The following PTPRD variants were observed in gnomAD, a reference collection of about 807,000 sequenced individuals.
PTPRD encodes the protein receptor-type tyrosine-protein phosphatase delta.
A neutral mutation model predicts 214.5 loss-of-function variants in PTPRD; 34 were observed. The observed-to-expected ratio is 0.16, with a 90% CI of 0.12 to 0.21. PTPRD has a LOEUF of 0.21. Among genes scored for constraint, PTPRD ranks in the 10% least tolerant of loss-of-function variants. PTPRD has a pLI of 1.00. For missense variants in PTPRD, 2,545 were observed against 2,398.7 expected (o/e 1.06, Z -1.27); for synonymous variants, 1,128 against 845.7 (o/e 1.33, Z -5.79).
chr9:10,267,380 A>G (rs962874509), intron 3 of PTPRD, among the ~76,000 whole-genome samples: 7 of 152,092 alleles, frequency 4.6e-5, no homozygotes. Flanking sequence ...ATAGGAAGCA[A>G]CTATGGTTTA....
At chr9:9,132,528 G>A (rs2099844377) in intron 10 of PTPRD, among the ~76,000 whole-genome samples, 1 of 152,028 alleles carries the variant, frequency 6.6e-6, no homozygotes, top group South Asian at 2.1e-4. Flanking sequence ...TTTAGACAAT[G>A]GAGCTGGAAA....
At chr9:9,790,507 T>C (rs928875868) in intron 5 of PTPRD, among the ~76,000 whole-genome samples, 3 of 152,246 alleles carry the variant, frequency 2.0e-5, no homozygotes, top group African/African-American at 7.2e-5. Context: ...AGTGGCTTTA[T>C]CTCAAATGTT....
At chr9:9,711,255 C>T (rs576563269) in intron 7 of PTPRD, among the ~76,000 whole-genome samples, 1 of 152,166 alleles carries the variant, frequency 6.6e-6, no homozygotes, top group South Asian at 2.1e-4. Context: ...CAGAAATATG[C>T]CATAGGAACT....
intron 11 of PTPRD, among the ~76,000 whole-genome samples, chr9:8,847,067 G>A (rs1362296073): frequency 2.0e-5 from 3 of 152,112 alleles, no homozygotes; most frequent in African/African-American, 4.8e-5. Flanking sequence ...TTGGTGGAAA[G>A]GAAGTTAGTA....
At chr9:10,003,449 T>C (rs76260940) in intron 4 of PTPRD, among the ~76,000 whole-genome samples, 3 of 151,850 alleles carry the variant, frequency 2.0e-5, no homozygotes, top group Admixed American at 6.6e-5. Flanking sequence ...TGAATTAAGA[T>C]TGAATATATA....
At chr9:8,994,160 C>T (rs889020478) in intron 11 of PTPRD, among the ~76,000 whole-genome samples, 1 of 152,066 alleles carries the variant, frequency 6.6e-6, no homozygotes, top group Non-Finnish European at 1.5e-5. Context: ...AAACATCTTC[C>T]CCTCTTTCTG....
chr9:9,642,449 T>C (rs1008932424), intron 7 of PTPRD, among the ~76,000 whole-genome samples: 1 of 152,236 alleles, frequency 6.6e-6, no homozygotes, highest in Non-Finnish European at 1.5e-5. Context: ...TGTCTTTAGA[T>C]GAATGCATAC....
intron 2 of PTPRD, among the ~76,000 whole-genome samples, chr9:10,512,374 C>T (rs1008452688): frequency 5.9e-5 from 9 of 151,560 alleles, no homozygotes; most frequent in Non-Finnish European, 8.8e-5. Flanking sequence ...AAGTATACTG[C>T]CAAGAATGGT....
intron 11 of PTPRD, among the ~76,000 whole-genome samples, chr9:9,002,912 C>A (rs189512643): frequency 8.1e-4 from 123 of 152,088 alleles, no homozygotes; most frequent in African/African-American, 2.9e-3. Flanking sequence ...GTATGTTGGA[C>A]CAAGCTCTTA....
chr9:10,257,456 A>C (rs2093367543), intron 3 of PTPRD, among the ~76,000 whole-genome samples: 1 of 152,158 alleles, frequency 6.6e-6, no homozygotes, highest in Non-Finnish European at 1.5e-5. Context: ...CAGAGAGAAA[A>C]ATTCATAGCC....
Position 8,797,469 on chromosome 9 carries a change from A to C in PTPRD, c.-103-63523T>G, listed in dbSNP as rs994585046. Among the ~76,000 whole-genome samples, 85 of 152,204 alleles carry C rather than the reference A, an allele frequency of 5.6e-4. 2 individuals are homozygous for C. The highest frequency in any genetic ancestry group is 2.0e-3 in the African/African-American group (82 of 41,434). Reference sequence around the variant, plus strand: ...TTGATGATATGCAAAAAGGATGTCTAAGCGATATATGATGCAGTTAGGAAA... The same window carrying C: ...TTGATGATATGCAAAAAGGATGTCTCAGCGATATATGATGCAGTTAGGAAA... On this transcript the variant is annotated intron_variant, in intron 11 of 45. Transcript: ENST00000381196.
chr9:9,535,778 G>C (rs1399400320), intron 8 of PTPRD, among the ~76,000 whole-genome samples: 1 of 152,020 alleles, frequency 6.6e-6, no homozygotes, highest in African/African-American at 2.4e-5. Flanking sequence ...ATGTCATTAA[G>C]AACAGAAAGG....
At chr9:9,580,982 T>A (rs369573157) in intron 7 of PTPRD, among the ~76,000 whole-genome samples, 1 of 152,152 alleles carries the variant, frequency 6.6e-6, no homozygotes, top group South Asian at 2.1e-4. Flanking sequence ...GGGTTGTGTG[T>A]TCCCTGTGTT....
chr9:8,929,045 T>C (rs1167122945), intron 11 of PTPRD, among the ~76,000 whole-genome samples: 1 of 152,216 alleles, frequency 6.6e-6, no homozygotes, highest in Non-Finnish European at 1.5e-5. Context: ...TTTTGTATCC[T>C]GAGACTTTGC....
intron 12 of PTPRD, among the ~76,000 whole-genome samples, chr9:8,672,726 A>T (rs1227419297): frequency 6.6e-6 from 1 of 152,062 alleles, no homozygotes; most frequent in African/African-American, 2.4e-5. Context: ...TCAGATGAAC[A>T]GATAAAAATG....
chr9:10,575,937 T>A (rs551028377), intron 2 of PTPRD, among the ~76,000 whole-genome samples: 6 of 152,184 alleles, frequency 3.9e-5, no homozygotes, highest in Non-Finnish European at 7.4e-5. Context: ...GAATTATTTT[T>A]TTTAAGAGTA....
At chr9:10,568,014 G>A (rs1214691741) in intron 2 of PTPRD, among the ~76,000 whole-genome samples, 2 of 149,888 alleles carry the variant, frequency 1.3e-5, no homozygotes, top group South Asian at 2.1e-4. Context: ...CTTGCACAAC[G>A]TGCAGGTTTG....
chr9:8,409,802 T>A (rs971137085), intron 35 of PTPRD, among the ~76,000 whole-genome samples: 2 of 152,222 alleles, frequency 1.3e-5, no homozygotes, highest in African/African-American at 4.8e-5. Flanking sequence ...CCTGTTTTTG[T>A]GTGTTTTTAA....
chr9:9,683,144 G>A (rs1003346527), intron 7 of PTPRD, among the ~76,000 whole-genome samples: 3 of 151,754 alleles, frequency 2.0e-5, no homozygotes, highest in African/African-American at 7.3e-5. Flanking sequence ...CAACAAATTG[G>A]TGGAACCATT....
Sources: gnomAD v4.1 joint callset for allele counts (sites outside exome capture counted in the v4.1 genomes callset) on GRCh38, gnomAD v4.1.1 for gene constraint, MANE v1.5 for transcripts, NCBI Gene and HGNC (gene_info 2026-07-23, HGNC 2026-07-21) for gene names.